RAPGEF6: variants seen among roughly 807,000 people sequenced by gnomAD.
The protein encoded by RAPGEF6 is PDZ domain containing guanine nucleotide exchange factor (GEF) 2.
In RAPGEF6, 56 loss-of-function variants were observed where a neutral mutation model predicts 171.4. The ratio of observed to expected loss-of-function variants is 0.33; its 90% CI spans 0.26 to 0.41. RAPGEF6 has a LOEUF of 0.41. RAPGEF6 is among the 10% of genes least tolerant of loss of function. RAPGEF6 has a pLI of 1.00. For synonymous variants in RAPGEF6, 692 were observed against 650.1 expected (o/e 1.06, Z -0.98); for missense variants, 1,674 against 1,921.4 (o/e 0.87, Z 2.41).
chr5:131,516,188 A>G (rs1168272218), intron 7 of RAPGEF6, among the ~76,000 whole-genome samples: 2 of 150,358 alleles, frequency 1.3e-5, no homozygotes, highest in East Asian at 3.9e-4. Flanking sequence ...CCTGGGTTCA[A>G]GCGATTCTCT....
intron 7 of RAPGEF6, among the ~76,000 whole-genome samples, chr5:131,520,442 A>C (rs145336470): frequency 8.5e-5 from 13 of 152,242 alleles, no homozygotes; most frequent in Non-Finnish European, 1.5e-4. Flanking sequence ...TGCACTAAAT[A>C]AAATATATTA....
At chr5:131,589,969 A>G (rs1763493398) in intron 4 of RAPGEF6, among the ~76,000 whole-genome samples, 1 of 152,180 alleles carries the variant, frequency 6.6e-6, no homozygotes, top group South Asian at 2.1e-4. Flanking sequence ...ACCAAGTCTC[A>G]ACTCTAGTCG....
At chr5:131,570,668 T>C (rs1337537148) in intron 4 of RAPGEF6, among the ~76,000 whole-genome samples, 1 of 152,114 alleles carries the variant, frequency 6.6e-6, no homozygotes, top group Non-Finnish European at 1.5e-5. Context: ...AACATTATGC[T>C]AAATGAAAAA....
At chr5:131,499,472 T>C (rs1308970201) in intron 11 of RAPGEF6, among the ~76,000 whole-genome samples, 1 of 149,150 alleles carries the variant, frequency 6.7e-6, no homozygotes, top group African/African-American at 2.5e-5. Flanking sequence ...TCCCAGCTAC[T>C]CAGGAGGGTG....
chr5:131,436,644 A>T (rs1752029540), intron 24 of RAPGEF6, among the ~76,000 whole-genome samples: 1 of 152,128 alleles, frequency 6.6e-6, no homozygotes, highest in Non-Finnish European at 1.5e-5. Flanking sequence ...AAAACAAAAA[A>T]ACTGTTGAAA....
chr5:131,479,944 C>G (rs566723356), intron 15 of RAPGEF6, among the ~76,000 whole-genome samples, 191 bp from the exon 16 acceptor site: 1 of 151,714 alleles, frequency 6.6e-6, no homozygotes, highest in South Asian at 2.1e-4. Context: ...GTTTTTATAC[C>G]TGATTATACT....
chr5:131,510,995 TA>T (rs1278448414), intron 7 of RAPGEF6, among the ~76,000 whole-genome samples: 1 of 152,160 alleles, frequency 6.6e-6, no homozygotes, highest in African/African-American at 2.4e-5. Context: ...AGAACAGTAC[TA>T]AAATGCACTA....
chr5:131,575,553 C>G (rs1205366808), intron 4 of RAPGEF6, among the ~76,000 whole-genome samples: 1 of 152,210 alleles, frequency 6.6e-6, no homozygotes, highest in Non-Finnish European at 1.5e-5. Flanking sequence ...CAACTCCTTT[C>G]CTTCCTAGGC....
intron 7 of RAPGEF6, among the ~76,000 whole-genome samples, chr5:131,514,345 CAAG>C (rs1410918773): frequency 6.6e-6 from 1 of 152,040 alleles, no homozygotes; most frequent in African/African-American, 2.4e-5. Flanking sequence ...GACCACAGGA[CAAG>C]AAGTCACTGC....
chr5:131,623,187 G>A (rs1357391035), intron 1 of RAPGEF6, among the ~76,000 whole-genome samples: 1 of 152,114 alleles, frequency 6.6e-6, no homozygotes. Context: ...GTTAAAATGG[G>A]CATTAATCTA....
intron 4 of RAPGEF6, among the ~76,000 whole-genome samples, chr5:131,590,221 GA>G (rs1452718456): frequency 4.6e-5 from 7 of 152,120 alleles, no homozygotes; most frequent in African/African-American, 1.7e-4. Flanking sequence ...CCAACATGGT[GA>G]AACCCTGTCT....
At chr5:131,492,871 G>A (rs765629191) in intron 13 of RAPGEF6, 86 bp from the exon 14 acceptor site, 75 of 1,293,708 alleles carry the variant, frequency 5.8e-5, no homozygotes, top group Non-Finnish European at 8.0e-5. Flanking sequence ...TAGAATTAGA[G>A]TTATAAATAT....
At chr5:131,615,815 T>C (rs989675999) in intron 1 of RAPGEF6, among the ~76,000 whole-genome samples, 1 of 151,846 alleles carries the variant, frequency 6.6e-6, no homozygotes. Context: ...GGCATGAGAA[T>C]TGCTTGAACC....
At chr5:131,605,738 G>A (rs1764517437) in intron 1 of RAPGEF6, among the ~76,000 whole-genome samples, 1 of 152,034 alleles carries the variant, frequency 6.6e-6, no homozygotes, top group Non-Finnish European at 1.5e-5. Context: ...ATTAAGAAAA[G>A]CAGCAAGCTA....
In RAPGEF6 at chr5:131,476,757, C is replaced by T. The variant is rs971955277; in HGVS notation, c.2081+2756G>A. On this transcript the variant is annotated intron_variant, in intron 16 of 27. Coordinates refer to ENST00000509018, the MANE Select transcript of RAPGEF6 (RefSeq NM_016340.6). ...ATGTTGGTCAGGCTGGTCTCAACCTCCTGGCCTCAAGTGATCTGTCCACCT... is the reference window on the plus strand; with the variant it reads ...ATGTTGGTCAGGCTGGTCTCAACCTTCTGGCCTCAAGTGATCTGTCCACCT... Among the ~76,000 whole-genome samples the T allele has an allele frequency of 8.5e-5, 13 of 152,306 alleles. No individual in the cohort carries two copies. In the Middle Eastern group the frequency reaches 0.024, roughly 279 times the overall value.
At chr5:131,604,775 GCAAA>G (rs1764450788) in intron 1 of RAPGEF6, 82 bp from the exon 2 acceptor site, 3 of 1,453,580 alleles carry the variant, frequency 2.1e-6, no homozygotes, top group Non-Finnish European at 2.8e-6. Flanking sequence ...CTGATTTTAA[GCAAA>G]CAACCACTTA....
intron 7 of RAPGEF6, among the ~76,000 whole-genome samples, chr5:131,511,481 C>CTTTTTTTTTTTT (rs55782171): frequency 1.1e-4 from 15 of 137,330 alleles, no homozygotes; most frequent in Non-Finnish European, 1.4e-4. Flanking sequence ...AAAAGATCAT[C>CTTTTTTTTTTTT]TTTTTTTTTT....
intron 24 of RAPGEF6, among the ~76,000 whole-genome samples, chr5:131,437,544 C>T (rs904363168): frequency 8.5e-5 from 13 of 152,138 alleles, no homozygotes; most frequent in African/African-American, 2.2e-4. Context: ...TATCCTACAT[C>T]GCAAGATCTG....
chr5:131,496,972 T>C (rs956605911), intron 12 of RAPGEF6, among the ~76,000 whole-genome samples: 3 of 150,936 alleles, frequency 2.0e-5, no homozygotes, highest in African/African-American at 7.3e-5. Context: ...CCACCATCAA[T>C]GTGTGTAGGG....
Sources: gnomAD v4.1 joint callset for allele counts (sites outside exome capture counted in the v4.1 genomes callset) on GRCh38, gnomAD v4.1.1 for gene constraint, MANE v1.5 for transcripts, NCBI Gene and HGNC (gene_info 2026-07-23, HGNC 2026-07-21) for gene names.